The following C15orf39 variants were observed in gnomAD, a reference collection of about 807,000 sequenced individuals.
The protein encoded by C15orf39 is PRMT2 interacting protein.
A neutral mutation model predicts 53.9 loss-of-function variants in C15orf39; 24 were observed. That is an observed-to-expected ratio of 0.45 (90% CI 0.32 to 0.63). The LOEUF is 0.63. Among genes scored for constraint, C15orf39 ranks in the 20% least tolerant of loss-of-function variants. The pLI is 0.04. For synonymous variants in C15orf39, 569 were observed against 576.5 expected, an observed-to-expected ratio of 0.99 and a Z score of 0.19; for missense variants, 1,271 against 1,347.9, an observed-to-expected ratio of 0.94 and a Z score of 0.89.
rs781395773 is a variant in C15orf39, at chr15:75,206,712, A to G, written c.664A>G (p.Ser222Gly). The G allele has an allele frequency of 2.5e-6, 4 of 1,613,768 alleles. No homozygotes were observed. In the East Asian group the frequency reaches 8.9e-5, roughly 36 times the overall value. The change falls in exon 2 of 3, where the codon AGC becomes GGC. Residue 222 changes from serine (S) to glycine (G), a missense_variant. Ser to Gly is a moderately conservative substitution (Grantham distance 56). This residue lies in a region of C15orf39 where 994 missense variants were observed against 993.7 expected (regional missense o/e 1.00). Coordinates refer to ENST00000394987, the MANE Select transcript of C15orf39 (RefSeq NM_015492.5). ...PFLEKYQTIH[S>G]TGFLASRYTG... ...CCTGGAGAAATATCAGACCATCCAC[A>G]GCACGGGCTTCCTGGCCTCCAGGTA...
chr15:75,201,003 T>C (rs1053059107), upstream of C15orf39, among the ~76,000 whole-genome samples: 6 of 152,218 alleles, frequency 3.9e-5, no homozygotes, highest in South Asian at 2.1e-4. The surrounding 1 kb of genome is among the most constrained non-coding windows in gnomAD (Gnocchi z 4.7). Flanking sequence ...TTTTGCTTCC[T>C]GAACTGACTC....
chr15:75,207,592 A>G lies in C15orf39; in HGVS notation c.1544A>G (p.Tyr515Cys), dbSNP rs567608197. 2 of 1,613,224 alleles carry G rather than the reference A, an allele frequency of 1.2e-6. No individual in the cohort carries two copies. Among genetic ancestry groups the G allele is most frequent in the East Asian group, 2.2e-5 (1 of 44,840 alleles). ...TTCAGCCTGGCCCCCTACCGTGACT[A>G]TCTGGATGTGCCGGCACCCGAGGCC... ...NVFSLAPYRD[Y>C]LDVPAPEATT... is the part of the protein sequence containing the mutation. The change falls in exon 2 of 3, where the codon TAT (tyrosine) becomes TGT (cysteine). Residue 515 changes from tyrosine to cysteine, a missense_variant. Around this residue, in one of 2 missense-constraint regions of C15orf39, gnomAD observed 994 missense variants for 993.7 expected, o/e 1.00. Coordinates refer to ENST00000394987, the MANE Select transcript of C15orf39 (RefSeq NM_015492.5).
chr15:75,210,352 C>T (rs867236112), intron 2 of C15orf39, among the ~76,000 whole-genome samples: 6 of 152,176 alleles, frequency 3.9e-5, no homozygotes, highest in Non-Finnish European at 8.8e-5. Context: ...GGCTCGGCCT[C>T]GGGCTTGGGC....
chr15:75,199,011 C>T (rs1353047553), upstream of C15orf39: 1 of 152,228 alleles, frequency 6.6e-6, no homozygotes, highest in African/African-American at 2.4e-5. Context: ...GCCTTAGGTT[C>T]CCTGCCTCCA....
chr15:75,211,296 G>T lies in C15orf39; in HGVS notation c.*180G>T. 3 of 736,010 alleles carry T rather than the reference G, an allele frequency of 4.1e-6. No homozygotes were observed. The highest frequency in any genetic ancestry group is 4.0e-4 in the Middle Eastern group (1 of 2,514). The allele number at this position is 736,010 out of a possible 1,614,324, so 45.6% of individuals were successfully genotyped here. A position where few individuals can be genotyped will look rare whatever the true frequency, so the allele number is the denominator to read the frequency against. On this transcript the variant is annotated 3_prime_UTR_variant, in exon 3 of 3. Transcript: ENST00000394987. ...AGAGCCCCTGAGCTTTTAACGTGAG[G>T]GTCTTTATTGGATAGGACTACTCCC... is the stretch of plus-strand genomic sequence containing the variant.
At chr15:75,201,227 C>A (rs541123110), upstream of C15orf39, among the ~76,000 whole-genome samples, 1 of 152,278 alleles carries the variant, frequency 6.6e-6, no homozygotes, top group Admixed American at 6.5e-5. The surrounding 1 kb of genome is among the most constrained non-coding windows in gnomAD (Gnocchi z 4.7). Flanking sequence ...GGGCGTGCTC[C>A]ACTCCACCCG....
rs775318032 is a variant in C15orf39, at chr15:75,207,879, A to G, written c.1831A>G (p.Met611Val). Residue 611 changes from methionine to valine, a missense_variant, in exon 2 of 3, where the codon ATG (methionine) becomes GTG (valine). This residue lies in a region of C15orf39 where 994 missense variants were observed against 993.7 expected (regional missense o/e 1.00). Coordinates refer to ENST00000394987, the MANE Select transcript of C15orf39 (RefSeq NM_015492.5). ...AAMDVPDVGN[M>V]VSDLPGLKKI... ...CATGGATGTGCCAGATGTGGGCAACATGGTGTCAGATCTGCCAGGCCTGAA... is the reference window on the plus strand; with the variant it reads ...CATGGATGTGCCAGATGTGGGCAACGTGGTGTCAGATCTGCCAGGCCTGAA... 4 of 1,613,658 alleles carry G rather than the reference A, an allele frequency of 2.5e-6. No individual in the cohort carries two copies. The East Asian group carries it at 6.7e-5, about 27-fold the overall frequency.
upstream of C15orf39, among the ~76,000 whole-genome samples, chr15:75,201,012 T>C (rs1198586643): frequency 1.3e-5 from 2 of 152,094 alleles, no homozygotes; most frequent in Non-Finnish European, 2.9e-5. The surrounding 1 kb of genome is among the most constrained non-coding windows in gnomAD (Gnocchi z 4.7). Flanking sequence ...CTGAACTGAC[T>C]CTGACCTTTG....
At chr15:75,210,605 T>C in intron 2 of C15orf39, 144 bp from the exon 3 acceptor site, 1 of 1,222,656 alleles carries the variant, frequency 8.2e-7, no homozygotes, top group South Asian at 1.6e-5. Context: ...TTGGATGGTC[T>C]GGCCAGTGGG....
chr15:75,206,281 C>G lies in C15orf39; in HGVS notation c.233C>G (p.Ala78Gly). The G allele has an allele frequency of 6.2e-7, 1 of 1,614,058 alleles. No individual in the cohort carries two copies. The highest frequency in any genetic ancestry group is 8.5e-7 in the Non-Finnish European group (1 of 1,179,966). The change falls in exon 2 of 3, where the codon GCA (alanine) becomes GGA (glycine). Residue 78 changes from alanine to glycine, a missense_variant. By Grantham distance (60) the Ala-to-Gly change is moderately conservative. Around this residue, in one of 2 missense-constraint regions of C15orf39, gnomAD observed 994 missense variants for 993.7 expected, o/e 1.00. Transcript: ENST00000394987. The stretch of plus-strand genomic sequence containing the variant: ...CCACCCTTGTACTCTACCGGTATGG[C>G]AGGACCCCCACTTCAGGCAGACAAC... ...PYPPLYSTGM[A>G]GPPLQADNLL...
At position 75,210,185 on chromosome 15, in the gene C15orf39, C is replaced by T. The variant is rs140454392; in HGVS notation, c.2777-564C>T. On this transcript the variant is annotated intron_variant, in intron 2 of 2. Coordinates refer to ENST00000394987, the MANE Select transcript of C15orf39 (RefSeq NM_015492.5). ...GAAGCAAGTGATTGAGACCAGGCTT[C>T]TGGCTTCTGGCTGAATTTTGTTGCC... Among the ~76,000 whole-genome samples, 733 of 152,310 alleles carry T rather than the reference C, an allele frequency of 4.8e-3. 18 individuals are homozygous for T. Among genetic ancestry groups the T allele is most frequent in the Middle Eastern group, 0.048 (14 of 294 alleles).
rs939534001 is a variant in C15orf39 at position 75,208,756 on chromosome 15, G to A, written c.2708G>A (p.Arg903His). 2 of 1,607,424 alleles carry A rather than the reference G, an allele frequency of 1.2e-6. No homozygotes were observed. Among genetic ancestry groups the A allele is most frequent in the Non-Finnish European group, 1.7e-6 (2 of 1,179,762 alleles). Residue 903 changes from arginine (R) to histidine (H), a missense_variant, in exon 2 of 3, where the codon CGC (arginine) becomes CAC (histidine). Physicochemically the swap from Arg to His is conservative, Grantham distance 29. Around this residue, in one of 2 missense-constraint regions of C15orf39, gnomAD observed 277 missense variants for 354.1 expected, o/e 0.78. Coordinates refer to ENST00000394987, the MANE Select transcript of C15orf39 (RefSeq NM_015492.5). ...CGCATGCTGAAGTTACTGGCGCTGC[G>A]CCAGCTGCCGGACATTTACCCCGAC... The part of the protein sequence containing the change: ...TSRMLKLLAL[R>H]QLPDIYPDLL...
In C15orf39 at chr15:75,208,206, G is replaced by GCCCCTGCTCCAGCTCCAT; in HGVS notation, c.2169_2186dup (p.Pro725_Ala730dup). The GCCCCTGCTCCAGCTCCAT allele has an allele frequency of 6.2e-7, 1 of 1,613,674 alleles. No homozygotes were observed. Among genetic ancestry groups the GCCCCTGCTCCAGCTCCAT allele is most frequent in the Non-Finnish European group, 8.5e-7 (1 of 1,179,966 alleles). ...TCCAGCCGTAGCTGTGGCCTCCCCT[G>GCCCCTGCTCCAGCTCCAT]CCCCTGCTCCAGCTCCATCCCCTGC... On this transcript the variant is annotated inframe_insertion, in exon 2 of 3. Transcript: ENST00000394987.
At chr15:75,204,728 T>C (rs1177215760) in intron 1 of C15orf39, among the ~76,000 whole-genome samples, 1 of 152,220 alleles carries the variant, frequency 6.6e-6, no homozygotes, top group Non-Finnish European at 1.5e-5. Context: ...CAGGTTGGTC[T>C]TGAACTCCTG....
At position 75,207,412 on chromosome 15, in the gene C15orf39, G is replaced by A; in HGVS notation, c.1364G>A (p.Ser455Asn). Residue 455 changes from serine (S) to asparagine (N), a missense_variant, in exon 2 of 3, where the codon AGT (serine) becomes AAT (asparagine). Transcript: ENST00000394987. ...CRKEKLQPRL[S>N]EHSGPPIVIR... ...AAAGAGAAGCTCCAGCCCCGGCTCA[G>A]TGAGCACTCTGGGCCGCCCATCGTC... is the stretch of plus-strand genomic sequence containing the variant. The A allele has an allele frequency of 6.2e-7, 1 of 1,613,438 alleles. No homozygotes were observed. Among genetic ancestry groups the A allele is most frequent in the Non-Finnish European group, 8.5e-7 (1 of 1,180,010 alleles).
intron 1 of C15orf39, among the ~76,000 whole-genome samples, chr15:75,205,143 T>A (rs1293154181): frequency 1.3e-5 from 2 of 152,174 alleles, no homozygotes; most frequent in Non-Finnish European, 2.9e-5. Flanking sequence ...TTTGACAAGA[T>A]CAGCAGGTCA....
rs2070404269 is a variant in C15orf39 at position 75,201,898 on chromosome 15, C to CG, written c.-210dup. ...CGGGACCGCAGACGGCGCCCAGCGG[C>CG]GGCGCGAACGGCAGCTAGGAGGGTT... On this transcript the variant is annotated 5_prime_UTR_variant, in exon 1 of 3. Coordinates refer to ENST00000394987, the MANE Select transcript of C15orf39 (RefSeq NM_015492.5). The surrounding 1 kb of genome is among the most constrained non-coding windows in gnomAD (Gnocchi z 4.7). 1 of 151,956 alleles carries CG rather than the reference C, an allele frequency of 6.6e-6. No individual in the cohort carries two copies. The highest frequency in any genetic ancestry group is 2.4e-5 in the African/African-American group (1 of 41,414). 9.4% of individuals were successfully genotyped at this position (151,956 alleles called of 1,614,324 possible).
chr15:75,211,313 A>T lies in C15orf39; in HGVS notation c.*197A>T. On this transcript the variant is annotated 3_prime_UTR_variant, in exon 3 of 3. Transcript: ENST00000394987. ...AACGTGAGGGTCTTTATTGGATAGG[A>T]CTACTCCCTATTTCTTGCCTAGAGA... 1.6e-6 allele frequency: 1 copy of T among 621,418 alleles called. No homozygotes were observed. The highest frequency in any genetic ancestry group is 2.6e-6 in the Non-Finnish European group (1 of 386,210). The allele number at this position is 621,418 out of a possible 1,614,324, so 38.5% of individuals were successfully genotyped here. A position where few individuals can be genotyped will look rare whatever the true frequency, so the allele number is the denominator to read the frequency against.
rs1156865674 is a variant in C15orf39, at chr15:75,206,479, C to A, written c.431C>A (p.Thr144Asn). The A allele has an allele frequency of 1.2e-6, 2 of 1,614,106 alleles. No homozygotes were observed. The highest frequency in any genetic ancestry group is 3.3e-5 in the Admixed American group (2 of 60,008). Residue 144 changes from threonine to asparagine, a missense_variant, in exon 2 of 3, where the codon ACT becomes AAT. By Grantham distance (65) the Thr-to-Asn change is moderately conservative. This residue lies in a region of C15orf39 where 994 missense variants were observed against 993.7 expected (regional missense o/e 1.00). Transcript: ENST00000394987. Reference sequence around the variant, plus strand: ...AACCCTCTGTGCTATGGGCTCTCAACTTGTCTGGGGGAAGGAGCAGTGAAG... The same window carrying A: ...AACCCTCTGTGCTATGGGCTCTCAAATTGTCTGGGGGAAGGAGCAGTGAAG... ...YRNPLCYGLS[T>N]CLGEGAVKRP...
Sources: allele counts gnomAD v4.1 joint callset (sites outside exome capture counted in the v4.1 genomes callset), GRCh38; gene constraint gnomAD v4.1.1; regional missense constraint gnomAD v4.1.1; non-coding constraint Gnocchi (gnomAD v3.1); transcripts MANE v1.5; gene names NCBI Gene and HGNC (gene_info 2026-07-23, HGNC 2026-07-21).